Variants in DLEC1 observed in about 807,000 individuals in gnomAD.
The protein encoded by DLEC1 is DLEC1 cilia and flagella associated protein, also known as deleted in lung and esophageal cancer protein 1.
A neutral mutation model predicts 198.1 loss-of-function variants in DLEC1; 146 were observed. That is an observed-to-expected ratio of 0.74 (90% confidence interval 0.64 to 0.85). DLEC1 has a LOEUF of 0.85. DLEC1 is among the 40% of genes least tolerant of loss of function. DLEC1 has a pLI of 0.00. For missense variants in DLEC1, 2,233 were observed against 2,220.0 expected (o/e 1.01, Z -0.12); for synonymous variants, 897 against 866.8 (o/e 1.03, Z -0.61).
intron 6 of DLEC1, among the ~76,000 whole-genome samples, chr3:38,067,393 T>G (rs1697082569): frequency 3.3e-5 from 5 of 152,210 alleles, no homozygotes; most frequent in South Asian, 2.1e-4. Context: ...AATCTCCAGG[T>G]TAATAACTCT....
chr3:38,108,634 A>G, intron 21 of DLEC1, 119 bp downstream of exon 21: 1 of 789,566 alleles, frequency 1.3e-6, no homozygotes, highest in Non-Finnish European at 2.1e-6. Flanking sequence ...GGTGGGGAAG[A>G]GATTTCTTGC....
intron 6 of DLEC1, among the ~76,000 whole-genome samples, chr3:38,074,412 G>A (rs1393488355): frequency 6.6e-6 from 1 of 152,200 alleles, no homozygotes; most frequent in African/African-American, 2.4e-5. Flanking sequence ...TGAGAATAAG[G>A]CGGCCTTCTG....
At chr3:38,095,332 C>T in intron 13 of DLEC1, 2 of 512,226 alleles carry the variant, frequency 3.9e-6, no homozygotes, top group Non-Finnish European at 7.1e-6. Context: ...GTGTCTCCCA[C>T]ATGTCTACTA....
Position 38,122,451 on chromosome 3 carries a change from G to GA in DLEC1, c.*45dup, listed in dbSNP as rs758558914. On this transcript the variant is annotated 3_prime_UTR_variant, in exon 37 of 37. Coordinates refer to ENST00000308059, the MANE Select transcript of DLEC1 (RefSeq NM_007335.4). ...CCCTCAGCCCCAGGCCCCAGCTGGA[G>GA]AAAAAACATTGCCCAGGGATTAGGA... 15 of 1,613,868 alleles carry GA rather than the reference G, an allele frequency of 9.3e-6. No homozygotes were observed. Among genetic ancestry groups the GA allele is most frequent in the Non-Finnish European group, 1.3e-5 (15 of 1,180,016 alleles).
chr3:38,092,702 G>A (rs1304592766), intron 10 of DLEC1, 88 bp from the exon 11 acceptor site: 1 of 1,158,340 alleles, frequency 8.6e-7, no homozygotes, highest in Non-Finnish European at 1.3e-6. Context: ...CAAAGAAAGG[G>A]GTGTGTGTCC....
At position 38,109,285 on chromosome 3, in the gene DLEC1, C is replaced by T. The variant is rs1256718548; in HGVS notation, c.3130-147C>T. 15 of 1,167,398 alleles carry T rather than the reference C, an allele frequency of 1.3e-5. 1 individual carries two copies. The highest frequency in any genetic ancestry group is 9.3e-5 in the African/African-American group (6 of 64,796). 72.3% of individuals were successfully genotyped at this position (1,167,398 alleles called of 1,614,324 possible). A position where few individuals can be genotyped will look rare whatever the true frequency, so the allele number is the denominator to read the frequency against. The stretch of plus-strand genomic sequence containing the variant: ...AGGCTTCCTGGGGCTGAGGGCGGGT[C>T]GACTGGCTGGGCTCACTGGAGGGAC... On this transcript the variant is annotated intron_variant, in intron 21 of 36. Coordinates refer to ENST00000308059, the MANE Select transcript of DLEC1 (RefSeq NM_007335.4).
At chr3:38,097,300 T>C in intron 16 of DLEC1, 25 bp downstream of exon 16, 1 of 1,562,766 alleles carries the variant, frequency 6.4e-7, no homozygotes, top group Non-Finnish European at 8.7e-7. Flanking sequence ...GCAGGAGGGG[T>C]TGTGACCTGC....
At chr3:38,110,771 GACACAC>G (rs139450212) in intron 23 of DLEC1, among the ~76,000 whole-genome samples, 15 of 149,706 alleles carry the variant, frequency 1.0e-4, no homozygotes, top group African/African-American at 2.2e-4. Flanking sequence ...TGCTTACACA[GACACAC>G]ACACACACAC....
rs1698851233 is a variant in DLEC1 at position 38,093,567 on chromosome 3, G to C, written c.1757-38G>C. On this transcript the variant is annotated intron_variant, in intron 11 of 36. Coordinates refer to ENST00000308059, the MANE Select transcript of DLEC1 (RefSeq NM_007335.4). ...CAGCCTTGGCCTGATTTCAGCCCTA[G>C]TGAGCCTTCACTGACTTCACTTACT... 2.5e-6 allele frequency: 4 copies of C among 1,612,878 alleles called. No homozygotes were observed. The African/African-American group carries it at 4.0e-5, about 16-fold the overall frequency.
chr3:38,080,547 A>G (rs527349278), intron 6 of DLEC1, among the ~76,000 whole-genome samples: 29 of 152,182 alleles, frequency 1.9e-4, no homozygotes, highest in Admixed American at 1.2e-3. Context: ...ATCTTGTAGG[A>G]TGGAAAAATT....
Position 38,086,266 on chromosome 3 carries a change from C to G in DLEC1, c.1461C>G (p.Tyr487Ter). Reference protein sequence around the residue: ...LTLSPVLDCGYCLIGGVKMTR... With the variant: ...LTLSPVLDCG ...TGTCACCGGTGTTGGACTGTGGTTA[C>G]TGCCTCATTGGGGGAGTCAAGATGA... is the stretch of plus-strand genomic sequence containing the variant. Residue 487 changes from tyrosine (Y) to a stop codon, truncating the protein, a stop_gained, in exon 9 of 37, where the codon TAC (tyrosine) becomes TAG (stop). Coordinates refer to ENST00000308059, the MANE Select transcript of DLEC1 (RefSeq NM_007335.4). LOFTEE classifies it high-confidence loss of function. 1.2e-6 allele frequency: 2 copies of G among 1,612,632 alleles called. No individual in the cohort carries two copies. The highest frequency in any genetic ancestry group is 1.7e-6 in the Non-Finnish European group (2 of 1,179,242).
At chr3:38,060,910 C>G (rs149498517) in intron 3 of DLEC1, among the ~76,000 whole-genome samples, 1 of 152,152 alleles carries the variant, frequency 6.6e-6, no homozygotes, top group Admixed American at 6.5e-5. Flanking sequence ...GTCTCAAACT[C>G]CTGACCTCAG....
intron 1 of DLEC1, among the ~76,000 whole-genome samples, chr3:38,044,113 G>T (rs559103267): frequency 1.3e-5 from 2 of 152,180 alleles, no homozygotes; most frequent in South Asian, 4.1e-4. Context: ...TGGATATGGT[G>T]GTGTATGCCT....
chr3:38,095,776 CCTT>C, intron 13 of DLEC1, 109 bp from the exon 14 acceptor site: 1 of 1,384,318 alleles, frequency 7.2e-7, no homozygotes, highest in South Asian at 1.3e-5. Context: ...TTCAGAAGGT[CCTT>C]CTGATGGCTA....
intron 23 of DLEC1, 66 bp from the exon 24 acceptor site, chr3:38,111,611 A>T: frequency 6.4e-7 from 1 of 1,555,422 alleles, no homozygotes; most frequent in Non-Finnish European, 8.7e-7. Context: ...TTGCTCTAGA[A>T]CCTGGCTCAG....
chr3:38,108,576 T>A (rs1357000777), intron 21 of DLEC1, 61 bp downstream of exon 21: 2 of 1,368,728 alleles, frequency 1.5e-6, no homozygotes, highest in Admixed American at 1.8e-5. Context: ...CATACGCACC[T>A]GTGCCACCAG....
At position 38,054,214 on chromosome 3, in the gene DLEC1, CAAAA is replaced by C. The variant is rs201106337; in HGVS notation, c.563-5524_563-5521del. Among the ~76,000 whole-genome samples, 13 of 150,886 alleles carry C rather than the reference CAAAA, an allele frequency of 8.6e-5. No individual in the cohort carries two copies. The South Asian group carries it at 2.3e-3, about 27-fold the overall frequency. On this transcript the variant is annotated intron_variant, in intron 2 of 36. Transcript: ENST00000308059. ...ATAAATACTAAAAAAAAAAACAAAACAAAAAAACAAACAAACAAACAAAAACAAA... is the reference window on the plus strand; with the variant it reads ...ATAAATACTAAAAAAAAAAACAAAACAAACAAACAAACAAACAAAAACAAA...
At chr3:38,062,876 C>G in intron 5 of DLEC1, 75 bp downstream of exon 5, 1 of 1,503,966 alleles carries the variant, frequency 6.6e-7, no homozygotes, top group Non-Finnish European at 9.0e-7. Context: ...TCCGTTTGGT[C>G]TGGCTGTAGA....
Position 38,093,649 on chromosome 3 carries a change from G to T in DLEC1, c.1801G>T (p.Glu601Ter), listed in dbSNP as rs767174387. The change falls in exon 12 of 37, where the codon GAA (glutamate) becomes TAA (stop). Residue 601 changes from glutamate to a stop codon, truncating the protein, a stop_gained. Transcript: ENST00000308059. LOFTEE classifies it high-confidence loss of function. ...TTTGGATCTGATCTATATTTCTGGT[G>T]AAAAAAGCCAGCCAGACCCTGGAGA... is the stretch of plus-strand genomic sequence containing the variant. ...IALDLIYISG[E>*]KSQPDPGELT... The T allele has an allele frequency of 2.5e-6, 4 of 1,614,182 alleles. No homozygotes were observed. The highest frequency in any genetic ancestry group is 1.3e-5 in the African/African-American group (1 of 75,036).
Sources: gnomAD v4.1 joint callset for allele counts (sites outside exome capture counted in the v4.1 genomes callset) on GRCh38, gnomAD v4.1.1 for gene constraint, MANE v1.5 for transcripts, NCBI Gene and HGNC (gene_info 2026-07-23, HGNC 2026-07-21) for gene names.